The following CDH19 variants were observed in gnomAD, a reference collection of about 807,000 sequenced individuals.
The protein encoded by CDH19 is cadherin-19.
A neutral mutation model predicts 64.2 loss-of-function variants in CDH19; 67 were observed. The observed-to-expected ratio is 1.04, with a 90% CI of 0.86 to 1.28. The LOEUF is 1.28. CDH19 is among the 50% of genes most tolerant of loss of function. The pLI is 0.00. For missense variants in CDH19, 1,030 were observed against 929.0 expected (o/e 1.11, Z -1.41); for synonymous variants, 346 against 319.3 (o/e 1.08, Z -0.89).
chr18:66,515,476 C>T (rs1305648922), intron 9 of CDH19, among the ~76,000 whole-genome samples: 4 of 151,582 alleles, frequency 2.6e-5, no homozygotes, highest in Non-Finnish European at 5.9e-5. Flanking sequence ...TTGTAGTATG[C>T]TTGTTGTCTT....
chr18:66,596,990 G>C (rs1419120937), intron 1 of CDH19, among the ~76,000 whole-genome samples: 1 of 140,964 alleles, frequency 7.1e-6, no homozygotes, highest in Non-Finnish European at 1.5e-5. Context: ...GCTGAGGCAG[G>C]AGAATGGCGT....
At chr18:66,584,518 CAAAT>C (rs938498227) in intron 1 of CDH19, among the ~76,000 whole-genome samples, 3 of 152,048 alleles carry the variant, frequency 2.0e-5, no homozygotes, top group Non-Finnish European at 2.9e-5. Flanking sequence ...GGTATATACA[CAAAT>C]GAATACAAAT....
chr18:66,544,781 A>G lies in CDH19; in HGVS notation c.898T>C (p.Ser300Pro), dbSNP rs1319898559. The G allele has an allele frequency of 6.2e-7, 1 of 1,612,348 alleles. No individual in the cohort carries two copies. The highest frequency in any genetic ancestry group is 2.2e-5 in the East Asian group (1 of 44,828). The change falls in exon 6 of 12, where the codon TCG (serine) becomes CCG (proline). Residue 300 changes from serine (S) to proline (P), a missense_variant. Ser to Pro is a moderately conservative substitution (Grantham distance 74). Coordinates refer to ENST00000262150, the MANE Select transcript of CDH19 (RefSeq NM_021153.4). ...TTAGTAATAATGTCAAATGTTTGCG[A>G]ATCATCCTCTTCAATGCTGTAATCC... is the stretch of plus-strand genomic sequence containing the variant. ...EMDYSIEEDD[S>P]QTFDIITNHE...
chr18:66,527,055 G>C (rs934358559), intron 9 of CDH19, among the ~76,000 whole-genome samples: 5 of 151,052 alleles, frequency 3.3e-5, no homozygotes, highest in African/African-American at 9.7e-5. Context: ...ATATGTGTGT[G>C]TGTGTGTGTG....
intron 1 of CDH19, among the ~76,000 whole-genome samples, chr18:66,584,047 T>C (rs1182047827): frequency 6.6e-6 from 1 of 152,002 alleles, no homozygotes; most frequent in African/African-American, 2.4e-5. Context: ...AAATAAACTA[T>C]TAACAGACTA....
chr18:66,562,888 G>T (rs369404044), intron 3 of CDH19, among the ~76,000 whole-genome samples: 1 of 152,046 alleles, frequency 6.6e-6, no homozygotes, highest in African/African-American at 2.4e-5. Flanking sequence ...GATGTATTCT[G>T]CCATCACTGA....
At chr18:66,551,290 C>T (rs781481916) in intron 4 of CDH19, 32 bp from the exon 5 acceptor site, 2 of 1,091,280 alleles carry the variant, frequency 1.8e-6, no homozygotes. Flanking sequence ...CCAATTATTT[C>T]ATTATTAATC....
At chr18:66,554,584 C>T in intron 3 of CDH19, 60 bp from the exon 4 acceptor site, 1 of 1,456,974 alleles carries the variant, frequency 6.9e-7, no homozygotes, top group Non-Finnish European at 9.4e-7. Flanking sequence ...GAATTCAGTT[C>T]TGTGAAGCGG....
chr18:66,590,395 G>T (rs184481792), intron 1 of CDH19, among the ~76,000 whole-genome samples: 10 of 151,926 alleles, frequency 6.6e-5, no homozygotes, highest in Non-Finnish European at 1.3e-4. Flanking sequence ...GCATATTGAA[G>T]TTAAGTAACT....
intron 3 of CDH19, among the ~76,000 whole-genome samples, chr18:66,558,327 C>G (rs1447680573): frequency 6.6e-6 from 1 of 151,350 alleles, no homozygotes; most frequent in Non-Finnish European, 1.5e-5. Flanking sequence ...TTACAGGACC[C>G]TAATTATCTT....
chr18:66,599,110 C>T (rs1311221777), intron 1 of CDH19, among the ~76,000 whole-genome samples: 1 of 151,824 alleles, frequency 6.6e-6, no homozygotes, highest in Non-Finnish European at 1.5e-5. Context: ...AACTTAAATT[C>T]ATATTTGTAA....
intron 5 of CDH19, among the ~76,000 whole-genome samples, chr18:66,545,831 T>C (rs563778415): frequency 3.7e-4 from 56 of 152,250 alleles, no homozygotes; most frequent in African/African-American, 1.3e-3. Flanking sequence ...AAGGAGTTGG[T>C]AAGTGAATGT....
At chr18:66,597,760 C>A (rs1436940028) in intron 1 of CDH19, among the ~76,000 whole-genome samples, 1 of 152,032 alleles carries the variant, frequency 6.6e-6, no homozygotes, top group Admixed American at 6.5e-5. Context: ...AAACAAACAA[C>A]CCCATTTAAA....
At chr18:66,564,277 T>G (rs1987825171) in intron 3 of CDH19, among the ~76,000 whole-genome samples, 1 of 151,900 alleles carries the variant, frequency 6.6e-6, no homozygotes. Context: ...CAGAGATCAT[T>G]ATAACATATT....
At chr18:66,565,142 G>T (rs1987862951) in intron 3 of CDH19, among the ~76,000 whole-genome samples, 1 of 151,644 alleles carries the variant, frequency 6.6e-6, no homozygotes, top group Non-Finnish European at 1.5e-5. Flanking sequence ...TATATTTTTG[G>T]ATGGCAGAAA....
At chr18:66,538,986 G>A (rs576026038) in intron 7 of CDH19, among the ~76,000 whole-genome samples, 62 of 152,016 alleles carry the variant, frequency 4.1e-4, no homozygotes, top group African/African-American at 1.1e-3. Context: ...GGCCACATTC[G>A]GGTGTACTGG....
chr18:66,560,205 G>A (rs1394928807), intron 3 of CDH19, among the ~76,000 whole-genome samples: 1 of 152,084 alleles, frequency 6.6e-6, no homozygotes, highest in Admixed American at 6.6e-5. Context: ...CAGTAGTTCA[G>A]ACAATAATAT....
At chr18:66,602,350 G>C (rs941847058) in intron 1 of CDH19, among the ~76,000 whole-genome samples, 1 of 151,908 alleles carries the variant, frequency 6.6e-6, no homozygotes, top group Non-Finnish European at 1.5e-5. Flanking sequence ...ATATGTAGCT[G>C]TATTAGGAGA....
At chr18:66,514,296 G>A (rs543066391) in intron 9 of CDH19, among the ~76,000 whole-genome samples, 3 of 151,484 alleles carry the variant, frequency 2.0e-5, no homozygotes, top group African/African-American at 7.2e-5. Context: ...TAAAAGACAT[G>A]AAATTCCAAA....
Sources: gnomAD v4.1 joint callset for allele counts (sites outside exome capture counted in the v4.1 genomes callset) on GRCh38, gnomAD v4.1.1 for gene constraint, MANE v1.5 for transcripts, NCBI Gene and HGNC (gene_info 2026-07-23, HGNC 2026-07-21) for gene names.